Variants in MTARC2 observed in about 807,000 individuals in gnomAD.
The protein encoded by MTARC2 is mitochondrial amidoxime reducing component 2.
Under a neutral mutation model 35.6 loss-of-function variants are expected in MTARC2, and 27 were observed. The observed-to-expected ratio is 0.76, with a 90% CI of 0.56 to 1.04. The LOEUF (loss-of-function observed/expected upper bound fraction) is 1.04, where lower values mean the gene tolerates loss of function less well. Among genes scored for constraint, MTARC2 ranks in the 50% least tolerant of loss-of-function variants. The pLI, the probability that MTARC2 is intolerant of heterozygous loss-of-function variation, is 0.00. For missense variants in MTARC2, 412 were observed against 432.5 expected, an observed-to-expected ratio of 0.95 and a Z score of 0.42; for synonymous variants, 158 against 167.1, an observed-to-expected ratio of 0.95 and a Z score of 0.42.
chr1:220,780,052 A>T lies in MTARC2; in HGVS notation c.785A>T (p.Glu262Val). ...TWDELLIGSV[E>V]VKKVMACPRC... ...GATGAACTCCTAATTGGTAGTGTAG[A>T]AGTGAAAAAGGTAATGGCATGCCCC... Residue 262 changes from glutamate to valine, a missense_variant, in exon 5 of 8, where the codon GAA (glutamate) becomes GTA (valine). Physicochemically the swap from Glu to Val is moderately radical, Grantham distance 121. Transcript: ENST00000366913. 6.5e-7 allele frequency: 1 copy of T among 1,547,870 alleles called. No individual in the cohort carries two copies. Among genetic ancestry groups the T allele is most frequent in the South Asian group, 1.3e-5 (1 of 78,194 alleles).
At chr1:220,750,878 T>C (rs1671106953) in intron 1 of MTARC2, among the ~76,000 whole-genome samples, 3 of 152,208 alleles carry the variant, frequency 2.0e-5, no homozygotes, top group Admixed American at 6.5e-5. Context: ...AACCAGTGCA[T>C]GATATAAAAC....
intron 7 of MTARC2, 141 bp downstream of exon 7, chr1:220,782,073 G>T: frequency 1.3e-6 from 1 of 755,282 alleles, no homozygotes. Context: ...GTTGGAAAAT[G>T]CCCTTAATTT....
Position 220,748,784 on chromosome 1 carries a change from A to C in MTARC2, c.253A>C (p.Ser85Arg). ...EAECTAMGLR[S>R]GNLRDRFWLV... is the part of the protein sequence containing the mutation. ...TGAGTGCACGGCCATGGGGCTGCGCAGCGGCAACCTGCGGGACAGGTACAG... is the reference window on the plus strand; with the variant it reads ...TGAGTGCACGGCCATGGGGCTGCGCCGCGGCAACCTGCGGGACAGGTACAG... Residue 85 changes from serine (S) to arginine (R), a missense_variant, in exon 1 of 8, where the codon AGC becomes CGC. Ser to Arg is a moderately radical substitution (Grantham distance 110). Coordinates refer to ENST00000366913, the MANE Select transcript of MTARC2 (RefSeq NM_017898.5). The C allele has an allele frequency of 6.3e-7, 1 of 1,595,824 alleles. No homozygotes were observed.
rs1024035715 is a variant in MTARC2 at position 220,783,919 on chromosome 1, G to T, written c.*32G>T. 5 of 717,406 alleles carry T rather than the reference G, an allele frequency of 7.0e-6. No homozygotes were observed. Among genetic ancestry groups the T allele is most frequent in the Non-Finnish European group, 1.3e-5 (5 of 385,074 alleles). 44.4% of individuals were successfully genotyped at this position (717,406 alleles called of 1,614,324 possible). ...CCAGAGATTCTTATTATTTATTCAG[G>T]CTTCAGCAACCAGGAGGGATTGACT... On this transcript the variant is annotated splice_region_variant and 3_prime_UTR_variant, in exon 8 of 8. Coordinates refer to ENST00000366913, the MANE Select transcript of MTARC2 (RefSeq NM_017898.5).
intron 4 of MTARC2, among the ~76,000 whole-genome samples, chr1:220,764,096 A>ATT (rs879680096): frequency 8.4e-5 from 12 of 143,148 alleles, no homozygotes; most frequent in Non-Finnish European, 1.2e-4. Context: ...ATGTGCCCTA[A>ATT]TTTTTTTTTT....
chr1:220,772,944 C>A (rs900647699), intron 4 of MTARC2, among the ~76,000 whole-genome samples: 30 of 152,156 alleles, frequency 2.0e-4, no homozygotes, highest in African/African-American at 7.0e-4. Flanking sequence ...TCTCTGGTTC[C>A]TGGCACAAGC....
intron 2 of MTARC2, chr1:220,756,242 A>G (rs1259481875): frequency 6.6e-6 from 1 of 152,220 alleles, no homozygotes; most frequent in Admixed American, 6.5e-5. Flanking sequence ...CTTGTCACCA[A>G]CTGAGCTTGT....
intron 4 of MTARC2, among the ~76,000 whole-genome samples, chr1:220,764,541 C>G (rs780940145): frequency 1.6e-4 from 24 of 152,092 alleles, no homozygotes; most frequent in Non-Finnish European, 2.9e-4. Context: ...AGTCCCAGCA[C>G]TTTGGGAGGC....
chr1:220,784,565 C>T lies in MTARC2; in HGVS notation c.*678C>T, dbSNP rs1364355052. 2 of 152,190 alleles carry T rather than the reference C, an allele frequency of 1.3e-5. No individual in the cohort carries two copies. The highest frequency in any genetic ancestry group is 4.8e-5 in the African/African-American group (2 of 41,416). The allele number at this position is 152,190 out of a possible 1,614,324, so 9.4% of individuals were successfully genotyped here. A position where few individuals can be genotyped will look rare whatever the true frequency, so the allele number is the denominator to read the frequency against. ...TGTGTGTAACTGCCAGATATACCAC[C>T]TGGAATTCCAAGTAAGATAAGGAAG... On this transcript the variant is annotated 3_prime_UTR_variant, in exon 8 of 8. Coordinates refer to ENST00000366913, the MANE Select transcript of MTARC2 (RefSeq NM_017898.5).
intron 7 of MTARC2, among the ~76,000 whole-genome samples, chr1:220,782,957 TTA>T (rs1178581847): frequency 6.6e-6 from 1 of 152,244 alleles, no homozygotes; most frequent in African/African-American, 2.4e-5. Context: ...TAAATATCAG[TTA>T]TGTTTTTTAT....
intron 2 of MTARC2, 152 bp downstream of exon 2, chr1:220,755,272 C>A: frequency 2.5e-6 from 2 of 789,912 alleles, no homozygotes; most frequent in Non-Finnish European, 3.8e-6. Context: ...TGGGATTGGG[C>A]ATGAGTGGAT....
At chr1:220,775,667 C>T (rs1572316173) in intron 4 of MTARC2, among the ~76,000 whole-genome samples, 1 of 151,702 alleles carries the variant, frequency 6.6e-6, no homozygotes, top group African/African-American at 2.4e-5. Flanking sequence ...TTTCAATTCT[C>T]ACCCTCTTCC....
rs1558060703 is a variant in MTARC2, at chr1:220,748,773, T to TG, written c.246dup (p.Leu83AlafsTer15). ...GTGAGCGAGGCTGAGTGCACGGCCA[T>TG]GGGGCTGCGCAGCGGCAACCTGCGG... is the stretch of plus-strand genomic sequence containing the variant. On this transcript the variant is annotated frameshift_variant, in exon 1 of 8. Transcript: ENST00000366913. LOFTEE classifies it high-confidence loss of function. 6.3e-7 allele frequency: 1 copy of TG among 1,598,034 alleles called. No individual in the cohort carries two copies. Among genetic ancestry groups the TG allele is most frequent in the Admixed American group, 1.7e-5 (1 of 58,582 alleles).
At chr1:220,782,036 G>A (rs1325743312) in intron 7 of MTARC2, 104 bp downstream of exon 7, 3 of 1,023,032 alleles carry the variant, frequency 2.9e-6, no homozygotes, top group African/African-American at 1.6e-5. Context: ...TTGAGAGAAT[G>A]AACAGTTTTA....
rs527351950 is a variant in MTARC2 at position 220,774,081 on chromosome 1, T to A, written c.751-5937T>A. ...TAGACTCACATCCTCGTTTTTTTTT[T>A]TTCAGACAGGGTCTCACCCTGTCGC... On this transcript the variant is annotated intron_variant, in intron 4 of 7. Transcript: ENST00000366913. 2.6e-5 allele frequency among the ~76,000 whole-genome samples: 4 copies of A among 152,004 alleles called. No individual in the cohort carries two copies. In the South Asian group the frequency reaches 8.4e-4, roughly 32 times the overall value.
At chr1:220,767,846 G>A (rs1268618235) in intron 4 of MTARC2, among the ~76,000 whole-genome samples, 3 of 152,224 alleles carry the variant, frequency 2.0e-5, no homozygotes, top group Non-Finnish European at 4.4e-5. Context: ...CTTACTGGCT[G>A]TGTGGATTGG....
chr1:220,770,654 A>C (rs1671717917), intron 4 of MTARC2: 11 of 776,774 alleles, frequency 1.4e-5, no homozygotes, highest in Admixed American at 6.3e-5. Flanking sequence ...AGTGTGCTGA[A>C]AAGCAGTCCA....
Position 220,761,809 on chromosome 1 carries a change from C to A in MTARC2, c.598C>A (p.Gln200Lys). The change falls in exon 3 of 8, where the codon CAG becomes AAG. Residue 200 changes from glutamine to lysine, a missense_variant. Physicochemically the swap from Gln to Lys is moderately conservative, Grantham distance 53. Transcript: ENST00000366913. Reference sequence around the variant, plus strand: ...AAGAAAACTTCTCCCCACTCTTGATCAGAATTTCCAGGTGAGCTTACAGAG... The same window carrying A: ...AAGAAAACTTCTCCCCACTCTTGATAAGAATTTCCAGGTGAGCTTACAGAG... ...TSRKLLPTLD[Q>K]NFQVAYPDYC... The A allele has an allele frequency of 6.2e-7, 1 of 1,608,238 alleles. No homozygotes were observed.
At chr1:220,771,316 A>AAG (rs1176975424) in intron 4 of MTARC2, among the ~76,000 whole-genome samples, 1 of 151,748 alleles carries the variant, frequency 6.6e-6, no homozygotes, top group African/African-American at 2.4e-5. Context: ...AAAAAAAAAA[A>AAG]AAAGCCTTAG....
Sources: gnomAD v4.1 joint callset for allele counts (sites outside exome capture counted in the v4.1 genomes callset) on GRCh38, gnomAD v4.1.1 for gene constraint, MANE v1.5 for transcripts, NCBI Gene and HGNC (gene_info 2026-07-23, HGNC 2026-07-21) for gene names.